Variants in ANXA10 observed in about 807,000 individuals in gnomAD.
ANXA10 encodes the protein annexin A10, also known as annexin 14.
In ANXA10, 49 loss-of-function variants were observed where a neutral mutation model predicts 53.5. The ratio of observed to expected loss-of-function variants is 0.92; its 90% CI spans 0.73 to 1.16. The LOEUF (loss-of-function observed/expected upper bound fraction) is 1.16. ANXA10 is among the 50% of genes most tolerant of loss of function. The pLI, the probability that ANXA10 is intolerant of heterozygous loss-of-function variation, is 0.00. For synonymous variants in ANXA10, 131 were observed against 128.9 expected (o/e 1.02, Z -0.11); for missense variants, 393 against 394.4 (o/e 1.00, Z 0.03).
intron 5 of ANXA10, among the ~76,000 whole-genome samples, chr4:168,164,916 G>C (rs1334287655): frequency 6.6e-6 from 1 of 152,176 alleles, no homozygotes; most frequent in Non-Finnish European, 1.5e-5. Flanking sequence ...GTTAAAATGA[G>C]ATGAAGCACT....
At chr4:168,110,789 G>GA (rs1310997346) in intron 1 of ANXA10, among the ~76,000 whole-genome samples, 2 of 151,740 alleles carry the variant, frequency 1.3e-5, no homozygotes, top group Admixed American at 6.6e-5. Context: ...AAGGAAGAAA[G>GA]AAAAAAACAA....
intron 10 of ANXA10, among the ~76,000 whole-genome samples, chr4:168,183,314 G>A (rs956103167): frequency 2.6e-5 from 4 of 152,168 alleles, no homozygotes; most frequent in African/African-American, 9.6e-5. Context: ...GAAGATCAAT[G>A]CTCACAGTCT....
chr4:168,146,909 G>A (rs1012408811), intron 3 of ANXA10, among the ~76,000 whole-genome samples: 1 of 152,188 alleles, frequency 6.6e-6, no homozygotes, highest in African/African-American at 2.4e-5. Context: ...TGCCCATGGG[G>A]CAATAATCAT....
chr4:168,104,871 A>C (rs947235133), intron 1 of ANXA10, among the ~76,000 whole-genome samples: 2 of 151,456 alleles, frequency 1.3e-5, no homozygotes, highest in African/African-American at 4.8e-5. Context: ...TCCTGCTTGC[A>C]TTGCATGTAA....
chr4:168,132,880 CA>C (rs1479408226), intron 2 of ANXA10, among the ~76,000 whole-genome samples: 17 of 152,176 alleles, frequency 1.1e-4, no homozygotes, highest in African/African-American at 3.4e-4. Context: ...TCATTATTCA[CA>C]AATGCTATAT....
At chr4:168,181,832 T>C in intron 10 of ANXA10, 91 bp downstream of exon 10, 1 of 998,336 alleles carries the variant, frequency 1.0e-6, no homozygotes, top group Admixed American at 2.0e-5. Flanking sequence ...AAATGTTCAT[T>C]ACCATTTTTG....
chr4:168,112,743 C>A (rs1189632977), intron 1 of ANXA10, among the ~76,000 whole-genome samples: 1 of 152,016 alleles, frequency 6.6e-6, no homozygotes, highest in Non-Finnish European at 1.5e-5. Context: ...ATCTCCCTGC[C>A]GGCATGGTGG....
At chr4:168,113,889 T>A (rs1730849512) in intron 1 of ANXA10, among the ~76,000 whole-genome samples, 1 of 152,254 alleles carries the variant, frequency 6.6e-6, no homozygotes, top group African/African-American at 2.4e-5. Context: ...TACTCTTTAA[T>A]ATTATGCTTG....
Position 168,177,921 on chromosome 4 carries a change from G to A in ANXA10, c.566G>A (p.Gly189Glu). The stretch of plus-strand genomic sequence containing the variant: ...TGGGAAGCCTGTCAGCAGAAGACGG[G>A]GGAGCACAAAACCATGCTGCAAATG... ...VLWEACQQKT[G>E]EHKTMLQMIL... The change falls in exon 8 of 12, where the codon GGG (glycine) becomes GAG (glutamate). Residue 189 changes from glycine (G) to glutamate (E), a missense_variant. Physicochemically the swap from Gly to Glu is moderately conservative, Grantham distance 98. Transcript: ENST00000359299. 1 of 1,614,038 alleles carries A rather than the reference G, an allele frequency of 6.2e-7. No individual in the cohort carries two copies. Among genetic ancestry groups the A allele is most frequent in the Non-Finnish European group, 8.5e-7 (1 of 1,180,022 alleles).
At chr4:168,155,828 TG>T (rs1560783833) in intron 3 of ANXA10, among the ~76,000 whole-genome samples, 43 of 19,082 alleles carry the variant, frequency 2.3e-3, no homozygotes, top group African/African-American at 8.2e-3. Context: ...ATATGATATA[TG>T]ATATATCATA....
In ANXA10 at chr4:168,187,385, A is replaced by G. The variant is rs746671899; in HGVS notation, c.926A>G (p.Tyr309Cys). 20 of 1,597,142 alleles carry G rather than the reference A, an allele frequency of 1.3e-5. No homozygotes were observed. Among genetic ancestry groups the G allele is most frequent in the Middle Eastern group, 1.7e-4 (1 of 6,012 alleles). ...HDIRNFASGH[Y>C]KKALLAICAG... is the part of the protein sequence containing the mutation. ...TTTCAGAATTTTGCTTCAGGGCATT[A>G]TAAGAAAGCACTGCTTGCCATCTGT... Residue 309 changes from tyrosine (Y) to cysteine (C), a missense_variant, in exon 12 of 12, where the codon TAT becomes TGT. By Grantham distance (194) the Tyr-to-Cys change is radical (BLOSUM62 -2). Coordinates refer to ENST00000359299, the MANE Select transcript of ANXA10 (RefSeq NM_007193.5).
intron 3 of ANXA10, among the ~76,000 whole-genome samples, chr4:168,153,437 A>AAC (rs1731535045): frequency 1.9e-5 from 1 of 53,268 alleles, no homozygotes; most frequent in Non-Finnish European, 4.7e-5. Context: ...AAAAAAAAAA[A>AAC]AAAACAAAAA....
chr4:168,101,712 G>A (rs1730642431), intron 1 of ANXA10, among the ~76,000 whole-genome samples: 1 of 151,962 alleles, frequency 6.6e-6, no homozygotes, highest in Admixed American at 6.6e-5. Context: ...GCCCTCTTAA[G>A]AGTACAGAGC....
At chr4:168,145,718 T>C (rs1300016673) in intron 3 of ANXA10, among the ~76,000 whole-genome samples, 2 of 152,216 alleles carry the variant, frequency 1.3e-5, no homozygotes, top group African/African-American at 2.4e-5. Flanking sequence ...ATCATGGTCA[T>C]TTTCCAAGAA....
chr4:168,132,583 A>G (rs1731172431), intron 2 of ANXA10, among the ~76,000 whole-genome samples: 3 of 152,100 alleles, frequency 2.0e-5, no homozygotes, highest in Admixed American at 1.3e-4. Context: ...CAGGGTGACT[A>G]TAGTCAATAA....
intron 1 of ANXA10, among the ~76,000 whole-genome samples, chr4:168,116,357 A>C (rs922230058): frequency 6.6e-6 from 1 of 152,232 alleles, no homozygotes; most frequent in Non-Finnish European, 1.5e-5. Flanking sequence ...GACTTTAGAC[A>C]AAATATTCCA....
chr4:168,156,419 A>G (rs1731684078), intron 3 of ANXA10, among the ~76,000 whole-genome samples: 1 of 120,042 alleles, frequency 8.3e-6, no homozygotes, highest in Non-Finnish European at 1.6e-5. Flanking sequence ...AGTATATATT[A>G]TATATACTAT....
intron 2 of ANXA10, 87 bp from the exon 3 acceptor site, chr4:168,139,399 G>A (rs574277529): frequency 1.9e-6 from 2 of 1,035,046 alleles, no homozygotes; most frequent in East Asian, 5.1e-5. Context: ...GATAATGCGT[G>A]CATACTGGTT....
chr4:168,136,711 G>C (rs571468708), intron 2 of ANXA10, among the ~76,000 whole-genome samples: 2 of 152,324 alleles, frequency 1.3e-5, no homozygotes, highest in South Asian at 4.1e-4. Context: ...GCTTTTCCAG[G>C]TGCATGGTGC....
Sources: allele counts gnomAD v4.1 joint callset (sites outside exome capture counted in the v4.1 genomes callset), GRCh38; gene constraint gnomAD v4.1.1; transcripts MANE v1.5; gene names NCBI Gene and HGNC (gene_info 2026-07-23, HGNC 2026-07-21).